MIB1: variants seen among roughly 807,000 people sequenced by gnomAD.
MIB1 encodes MIB E3 ubiquitin protein ligase 1.
A neutral mutation model predicts 124.5 loss-of-function variants in MIB1; 278 were observed. The observed-to-expected ratio is 2.23, with a 90% confidence interval of 2.02 to 2.47. The LOEUF is 2.47. Among genes scored for constraint, MIB1 ranks in the 30% most tolerant of loss-of-function variants. The pLI is 0.00. For synonymous variants in MIB1, 446 were observed against 429.4 expected, an observed-to-expected ratio of 1.04 and a Z score of -0.48; for missense variants, 957 against 1,254.4, an observed-to-expected ratio of 0.76 and a Z score of 3.58.
chr18:21,792,640 T>C (rs531324247), intron 7 of MIB1, among the ~76,000 whole-genome samples: 32 of 152,376 alleles, frequency 2.1e-4, no homozygotes, highest in African/African-American at 7.7e-4. Context: ...TCTGTTGTTA[T>C]GATGCTTTTA....
chr18:21,847,074 C>G lies in MIB1; in HGVS notation c.2342C>G (p.Pro781Arg). ...KKGQSPLDLC[P>R]DPNLCKALAK... is the part of the protein sequence containing the mutation. ...GGTCAATCGCCACTTGATCTCTGTC[C>G]TGATCCGAATCTCTGCAAAGCACTG... The change falls in exon 16 of 21, where the codon CCT becomes CGT. Residue 781 changes from proline to arginine, a missense_variant. Coordinates refer to ENST00000261537, the MANE Select transcript of MIB1 (RefSeq NM_020774.4). The G allele has an allele frequency of 6.2e-7, 1 of 1,614,098 alleles. No individual in the cohort carries two copies. The highest frequency in any genetic ancestry group is 8.5e-7 in the Non-Finnish European group (1 of 1,180,014).
At chr18:21,807,117 A>G (rs1330675232) in intron 10 of MIB1, among the ~76,000 whole-genome samples, 1 of 152,208 alleles carries the variant, frequency 6.6e-6, no homozygotes, top group East Asian at 1.9e-4. Context: ...AGGAAAAACT[A>G]TATTGAAAAA....
At chr18:21,822,579 T>TA (rs542022861) in intron 12 of MIB1, among the ~76,000 whole-genome samples, 10 of 152,346 alleles carry the variant, frequency 6.6e-5, no homozygotes, top group African/African-American at 2.4e-4. Context: ...GATTGCCAGA[T>TA]AGAGTGTGAT....
intron 10 of MIB1, among the ~76,000 whole-genome samples, chr18:21,807,336 G>A (rs569854270): frequency 9.9e-5 from 15 of 152,066 alleles, no homozygotes; most frequent in Non-Finnish European, 1.8e-4. Flanking sequence ...GAAGGCTGAG[G>A]TGGGAGAATC....
At position 21,867,722 on chromosome 18, in the gene MIB1, G is replaced by A. The variant is rs368948467; in HGVS notation, c.*3056G>A. On this transcript the variant is annotated 3_prime_UTR_variant, in exon 21 of 21. Coordinates refer to ENST00000261537, the MANE Select transcript of MIB1 (RefSeq NM_020774.4). ...AGCATTTTAGCATATTGAAATGCAT[G>A]CTGCTTAAGATGTGTCTGGTTCAAA... The A allele has an allele frequency of 2.2e-4, 34 of 152,658 alleles. No homozygotes were observed. Among genetic ancestry groups the A allele is most frequent in the East Asian group, 1.4e-3 (7 of 5,176 alleles). The allele number at this position is 152,658 out of a possible 1,614,324, so 9.5% of individuals were successfully genotyped here.
chr18:21,804,080 GA>G, intron 10 of MIB1, 66 bp downstream of exon 10: 2 of 1,145,072 alleles, frequency 1.7e-6, no homozygotes, highest in Non-Finnish European at 2.6e-6. Context: ...TCTATATCAT[GA>G]GATGGATTGT....
At chr18:21,861,636 C>T (rs2077224897) in intron 20 of MIB1, among the ~76,000 whole-genome samples, 1 of 149,990 alleles carries the variant, frequency 6.7e-6, no homozygotes, top group Non-Finnish European at 1.5e-5. Flanking sequence ...TATAGGGACT[C>T]CCTTCAAGGT....
intron 8 of MIB1, among the ~76,000 whole-genome samples, chr18:21,799,148 A>G (rs1042230963): frequency 2.0e-5 from 3 of 151,994 alleles, no homozygotes; most frequent in Non-Finnish European, 2.9e-5. Context: ...CCCTTGCCCT[A>G]TTTTGTGATT....
At chr18:21,843,348 AT>A (rs761116013) in intron 14 of MIB1, 131 bp downstream of exon 14, 4 of 558,770 alleles carry the variant, frequency 7.2e-6, no homozygotes, top group Admixed American at 3.9e-5. Flanking sequence ...GTAAATCTAA[AT>A]ATCTAAATAC....
intron 20 of MIB1, among the ~76,000 whole-genome samples, chr18:21,863,267 G>A (rs1436231716): frequency 1.3e-5 from 2 of 152,208 alleles, no homozygotes; most frequent in African/African-American, 2.4e-5. Flanking sequence ...CAGCTCAGTT[G>A]GCCCCTTGCC....
At chr18:21,745,174 A>G (rs996842073) in intron 1 of MIB1, among the ~76,000 whole-genome samples, 10 of 152,270 alleles carry the variant, frequency 6.6e-5, no homozygotes, top group African/African-American at 2.4e-4. Context: ...GAATTTGTAT[A>G]GTGCAGTACT....
chr18:21,847,862 A>T (rs1362495949), intron 16 of MIB1, among the ~76,000 whole-genome samples: 1 of 152,340 alleles, frequency 6.6e-6, no homozygotes, highest in African/African-American at 2.4e-5. Context: ...ATTATTTATG[A>T]CATAACTAAT....
At chr18:21,862,198 G>A (rs2042282711) in intron 20 of MIB1, among the ~76,000 whole-genome samples, 1 of 9,234 alleles carries the variant, frequency 1.1e-4, no homozygotes, top group African/African-American at 1.2e-4. Context: ...CGCCTGGCCG[G>A]CTTTTTAAAA....
chr18:21,743,891 T>C (rs899848439), intron 1 of MIB1, among the ~76,000 whole-genome samples: 13 of 152,266 alleles, frequency 8.5e-5, no homozygotes, highest in African/African-American at 3.1e-4. Flanking sequence ...AGTTTTATTA[T>C]CTTAATATAA....
intron 2 of MIB1, 146 bp downstream of exon 2, chr18:21,766,089 C>T: frequency 1.4e-6 from 1 of 696,844 alleles, no homozygotes; most frequent in Non-Finnish European, 2.4e-6. Context: ...TAGAAGTGGA[C>T]CAAATCTGCC....
intron 1 of MIB1, among the ~76,000 whole-genome samples, chr18:21,734,263 C>A (rs868724946): frequency 6.6e-6 from 1 of 151,800 alleles, no homozygotes; most frequent in African/African-American, 2.4e-5. Context: ...CCCGCCACCA[C>A]GCCCGGCTAT....
rs1402079404 is a variant in MIB1 at position 21,716,354 on chromosome 18, A to G, written n.167+11231A>G. The stretch of plus-strand genomic sequence containing the variant: ...CTACCAAACCAGCACTATAAGAACT[A>G]CTAAAAGGAGCTCTAAATCTTGAAA... On this transcript the variant is annotated intron_variant and non_coding_transcript_variant, in intron 1 of 20. Transcript: ENST00000578646. 4.6e-5 allele frequency among the ~76,000 whole-genome samples: 7 copies of G among 152,216 alleles called. 1 individual carries two copies. The highest frequency in any genetic ancestry group is 1.2e-4 in the African/African-American group (5 of 41,462).
chr18:21,867,354 TA>T lies in MIB1; in HGVS notation c.*2689del, dbSNP rs1378764775. ...TCCCTCACCCTACCATTTTCTCCTT[TA>T]TTCTTCTAAGATTGTTAGCGTTGTT... is the stretch of plus-strand genomic sequence containing the variant. On this transcript the variant is annotated 3_prime_UTR_variant, in exon 21 of 21. Transcript: ENST00000261537. 4.6e-5 allele frequency: 7 copies of T among 152,604 alleles called. No individual in the cohort carries two copies. Among genetic ancestry groups the T allele is most frequent in the Non-Finnish European group, 7.4e-5 (5 of 68,022 alleles). The allele number at this position is 152,604 out of a possible 1,614,324, so 9.5% of individuals were successfully genotyped here. A position where few individuals can be genotyped will look rare whatever the true frequency, so the allele number is the denominator to read the frequency against.
intron 11 of MIB1, chr18:21,817,902 C>T (rs2041844209): frequency 4.8e-6 from 1 of 210,342 alleles, no homozygotes; most frequent in African/African-American, 2.3e-5. Context: ...ATGCTGTAGG[C>T]CAGGTTGTAT....
Sources: gnomAD v4.1 joint callset for allele counts (sites outside exome capture counted in the v4.1 genomes callset) on GRCh38, gnomAD v4.1.1 for gene constraint, MANE v1.5 for transcripts, NCBI Gene and HGNC (gene_info 2026-07-23, HGNC 2026-07-21) for gene names.